Variants in ARSB observed in about 807,000 individuals in gnomAD.
The protein encoded by ARSB is arylsulfatase B, also known as N-acetylgalactosamine-4-sulfatase.
In ARSB, 41 loss-of-function variants were observed where a neutral mutation model predicts 50.9. The observed-to-expected ratio is 0.81, with a 90% CI of 0.63 to 1.04. The LOEUF (loss-of-function observed/expected upper bound fraction) is 1.04. Among genes scored for constraint, ARSB ranks in the 50% least tolerant of loss-of-function variants. The pLI is 0.00. For synonymous variants in ARSB, 269 were observed against 284.8 expected (o/e 0.94, Z 0.56); for missense variants, 672 against 693.3 (o/e 0.97, Z 0.35).
At chr5:78,880,929 T>C (rs1747716809) in intron 5 of ARSB, among the ~76,000 whole-genome samples, 1 of 152,258 alleles carries the variant, frequency 6.6e-6, no homozygotes, top group South Asian at 2.1e-4. Context: ...GCACACCATC[T>C]TGCAACAATT....
intron 5 of ARSB, among the ~76,000 whole-genome samples, chr5:78,855,817 T>C (rs11740887): frequency 0.23 from 35,092 of 152,072 alleles, 4,835 homozygotes; most frequent in Admixed American, 0.31. Context: ...TAGGGAAACG[T>C]TCCTCCTAGT....
intron 6 of ARSB, among the ~76,000 whole-genome samples, chr5:78,827,932 T>C (rs891127916): frequency 6.6e-6 from 1 of 152,006 alleles, no homozygotes; most frequent in African/African-American, 2.4e-5. Context: ...AGCATCTATA[T>C]AACCACCTGT....
intron 6 of ARSB, among the ~76,000 whole-genome samples, chr5:78,806,721 A>G (rs1743581059): frequency 1.3e-5 from 2 of 152,160 alleles, no homozygotes; most frequent in Non-Finnish European, 2.9e-5. Context: ...CTGGATTCCA[A>G]CTTCATCGTC....
chr5:78,958,097 C>A (rs1366780626), intron 3 of ARSB, among the ~76,000 whole-genome samples: 1 of 152,000 alleles, frequency 6.6e-6, no homozygotes, highest in African/African-American at 2.4e-5. Context: ...GAAACAGGGG[C>A]CCCATCCCCC....
chr5:78,808,048 C>A (rs28634712), intron 6 of ARSB, among the ~76,000 whole-genome samples: 1,754 of 129,208 alleles, frequency 0.014, 58 homozygotes, highest in African/African-American at 0.053. Flanking sequence ...AGCCGAGATC[C>A]CGCCACTGCA....
At chr5:78,826,447 T>C (rs1744435569) in intron 6 of ARSB, among the ~76,000 whole-genome samples, 2 of 152,278 alleles carry the variant, frequency 1.3e-5, no homozygotes, top group African/African-American at 2.4e-5. Context: ...AAAGACTAAA[T>C]TGTCTGCCCT....
intron 4 of ARSB, among the ~76,000 whole-genome samples, chr5:78,938,929 T>A (rs1302155605): frequency 6.6e-6 from 1 of 152,226 alleles, no homozygotes; most frequent in African/African-American, 2.4e-5. Context: ...TACTGACATC[T>A]GAGGCAGGAC....
chr5:78,962,662 G>C (rs902208025), intron 3 of ARSB, among the ~76,000 whole-genome samples: 14 of 151,952 alleles, frequency 9.2e-5, no homozygotes, highest in African/African-American at 2.4e-4. Context: ...AGAGTAGCTG[G>C]ACTACAGGCA....
chr5:78,985,770 G>A (rs1393008061), upstream of ARSB: 2 of 152,348 alleles, frequency 1.3e-5, no homozygotes, highest in East Asian at 1.9e-4. Context: ...TAGCACAAGA[G>A]CCCAGCCTGT....
At chr5:78,780,688 C>T in intron 7 of ARSB, 26 bp from the exon 8 acceptor site, 1 of 1,613,380 alleles carries the variant, frequency 6.2e-7, no homozygotes, top group Non-Finnish European at 8.5e-7. Context: ...AAACAGTTTA[C>T]TGAGGGAGAA....
chr5:78,849,474 T>A (rs943011599), intron 5 of ARSB, among the ~76,000 whole-genome samples: 1 of 151,230 alleles, frequency 6.6e-6, no homozygotes, highest in Admixed American at 6.6e-5. Flanking sequence ...TGTAGCCTTG[T>A]AGTATAGTTT....
intron 5 of ARSB, among the ~76,000 whole-genome samples, chr5:78,848,218 T>TC (rs1745548856): frequency 1.1e-5 from 1 of 87,856 alleles, no homozygotes; most frequent in Non-Finnish European, 2.2e-5. Flanking sequence ...TCCTCCCCCC[T>TC]CCCCCCACCC....
chr5:78,905,246 G>A (rs1398120656), intron 4 of ARSB, among the ~76,000 whole-genome samples: 3 of 151,682 alleles, frequency 2.0e-5, no homozygotes, highest in Non-Finnish European at 2.9e-5. Flanking sequence ...GTTTTTGTCT[G>A]ACAACACCAA....
chr5:78,871,337 A>T (rs1157850905), intron 5 of ARSB, among the ~76,000 whole-genome samples: 9 of 152,118 alleles, frequency 5.9e-5, no homozygotes, highest in African/African-American at 2.2e-4. Flanking sequence ...TATGGAACCA[A>T]AAAAGAGCCC....
At position 78,856,504 on chromosome 5, in the gene ARSB, G is replaced by A. The variant is rs1449252538; in HGVS notation, c.1143-17078C>T. 2.6e-5 allele frequency among the ~76,000 whole-genome samples: 4 copies of A among 152,162 alleles called. No individual in the cohort carries two copies. The East Asian group carries it at 7.7e-4, about 29-fold the overall frequency. ...CTTGAACACAAAGCTTTATCACAAT[G>A]ACACAATTTCTTCCACAAAGGTGTG... On this transcript the variant is annotated intron_variant, in intron 5 of 7. Transcript: ENST00000264914.
intron 4 of ARSB, among the ~76,000 whole-genome samples, chr5:78,915,030 T>C (rs1016857967): frequency 5.9e-5 from 9 of 152,258 alleles, no homozygotes; most frequent in Non-Finnish European, 5.9e-5. Flanking sequence ...GGCAATGGGC[T>C]ACTTTCTTTA....
chr5:78,890,195 T>G lies in ARSB; in HGVS notation c.899-4368A>C, dbSNP rs1580006588. Among the ~76,000 whole-genome samples, 3 of 152,080 alleles carry G rather than the reference T, an allele frequency of 2.0e-5. No homozygotes were observed. In the East Asian group the frequency reaches 5.8e-4, roughly 29 times the overall value. On this transcript the variant is annotated intron_variant, in intron 4 of 7. Transcript: ENST00000264914. Reference sequence around the variant, plus strand: ...TCAATCTTCTCCTGCTAAAAGATTTTGGAGACATTATCTACCTAGATATTC... The same window carrying G: ...TCAATCTTCTCCTGCTAAAAGATTTGGGAGACATTATCTACCTAGATATTC...
chr5:78,856,145 A>G (rs1170511350), intron 5 of ARSB, among the ~76,000 whole-genome samples: 2 of 152,100 alleles, frequency 1.3e-5, no homozygotes, highest in East Asian at 3.9e-4. Flanking sequence ...ATTTTTTCCA[A>G]TAGTCTTTTC....
intron 5 of ARSB, among the ~76,000 whole-genome samples, chr5:78,847,432 C>T (rs577513202): frequency 1.3e-5 from 2 of 152,070 alleles, no homozygotes; most frequent in Admixed American, 6.6e-5. Context: ...TGGCTGTGAA[C>T]GATCTTTTTA....
Sources: allele counts gnomAD v4.1 joint callset (sites outside exome capture counted in the v4.1 genomes callset), GRCh38; gene constraint gnomAD v4.1.1; transcripts MANE v1.5; gene names NCBI Gene and HGNC (gene_info 2026-07-23, HGNC 2026-07-21).